Variants in SBF2 observed in about 807,000 individuals in gnomAD.
SBF2 encodes the protein myotubularin-related protein 13.
In SBF2, 112 loss-of-function variants were observed where a neutral mutation model predicts 225.2. That is an observed-to-expected ratio of 0.50 (90% CI 0.43 to 0.58). The LOEUF is 0.58. Among genes scored for constraint, SBF2 ranks in the 20% least tolerant of loss-of-function variants. The probability of loss-of-function intolerance (pLI) is 0.00; values close to 1 mark genes in which losing one functional copy is unlikely to be tolerated. For missense variants in SBF2, 1,996 were observed against 2,206.2 expected (o/e 0.90, Z 1.91); for synonymous variants, 763 against 773.3 (o/e 0.99, Z 0.22).
chr11:9,874,437 T>C (rs1859047366), intron 17 of SBF2, among the ~76,000 whole-genome samples: 1 of 152,208 alleles, frequency 6.6e-6, no homozygotes, highest in East Asian at 1.9e-4. Context: ...CTTAAAAGCA[T>C]TTCCTATAAA....
At chr11:10,243,828 G>A (rs913606015) in intron 1 of SBF2, among the ~76,000 whole-genome samples, 1 of 151,908 alleles carries the variant, frequency 6.6e-6, no homozygotes, top group Non-Finnish European at 1.5e-5. Context: ...ACAAAGAAAA[G>A]GTCAAGACCA....
At chr11:10,046,775 G>T (rs530567791) in intron 2 of SBF2, among the ~76,000 whole-genome samples, 1 of 149,074 alleles carries the variant, frequency 6.7e-6, no homozygotes, top group African/African-American at 2.5e-5. Context: ...CCTAGTTAAC[G>T]CAATAAAATG....
At chr11:10,029,272 T>G (rs1949164344) in intron 5 of SBF2, among the ~76,000 whole-genome samples, 1 of 152,172 alleles carries the variant, frequency 6.6e-6, no homozygotes, top group Non-Finnish European at 1.5e-5. Flanking sequence ...GAGACAAATA[T>G]GAAAATCTCA....
intron 1 of SBF2, among the ~76,000 whole-genome samples, chr11:10,275,494 T>C (rs898672086): frequency 1.3e-5 from 2 of 152,216 alleles, no homozygotes; most frequent in African/African-American, 2.4e-5. Context: ...TACTGAATAC[T>C]GTTTTACTAT....
chr11:9,806,522 T>C (rs1412179122), intron 32 of SBF2, among the ~76,000 whole-genome samples: 1 of 152,216 alleles, frequency 6.6e-6, no homozygotes, highest in East Asian at 1.9e-4. Flanking sequence ...GTCTCCAAAC[T>C]TCTCCCTCAT....
intron 17 of SBF2, among the ~76,000 whole-genome samples, chr11:9,881,703 C>T (rs2134084905): frequency 6.6e-6 from 1 of 152,134 alleles, no homozygotes; most frequent in East Asian, 1.9e-4. Context: ...CAGATTTTAG[C>T]TTTGGCCAAG....
At chr11:9,828,219 T>C (rs1332649111) in intron 28 of SBF2, 1 of 1,287,892 alleles carries the variant, frequency 7.8e-7, no homozygotes. Flanking sequence ...CTCCTTTCAG[T>C]CCCTAAAGTC....
intron 14 of SBF2, among the ~76,000 whole-genome samples, chr11:9,967,689 G>A: frequency 6.6e-6 from 1 of 152,138 alleles, no homozygotes; most frequent in South Asian, 2.1e-4. Context: ...GCCAAGGTGG[G>A]CGGATCACCT....
chr11:10,015,137 CAATAAT>C (rs924612030), intron 6 of SBF2, among the ~76,000 whole-genome samples: 3 of 151,662 alleles, frequency 2.0e-5, no homozygotes, highest in Admixed American at 6.6e-5. Context: ...CACCCTGTCT[CAATAAT>C]AATAATAATA....
chr11:9,943,021 G>GATTGT (rs1343578239), intron 16 of SBF2, among the ~76,000 whole-genome samples: 1 of 152,064 alleles, frequency 6.6e-6, no homozygotes, highest in East Asian at 1.9e-4. Flanking sequence ...GAGAAAGAAA[G>GATTGT]ATTGTGATGC....
chr11:9,963,681 A>G (rs531456703), intron 15 of SBF2, 92 bp downstream of exon 15: 3 of 695,656 alleles, frequency 4.3e-6, no homozygotes, highest in Admixed American at 4.5e-5. Flanking sequence ...GAAAAGGGAT[A>G]GAATTAAAGA....
At chr11:9,987,227 C>T (rs769835203) in intron 13 of SBF2, among the ~76,000 whole-genome samples, 1 of 152,104 alleles carries the variant, frequency 6.6e-6, no homozygotes. Context: ...TTTAGCATCC[C>T]TTTATGATTA....
intron 3 of SBF2, among the ~76,000 whole-genome samples, chr11:10,042,434 G>C (rs1299896988): frequency 6.6e-6 from 1 of 152,086 alleles, no homozygotes. Flanking sequence ...AGAAGAATGA[G>C]TTAACATTTG....
chr11:9,824,372 C>T (rs905252533), intron 28 of SBF2, among the ~76,000 whole-genome samples: 12 of 152,094 alleles, frequency 7.9e-5, no homozygotes, highest in Middle Eastern at 3.4e-3. Context: ...TCCTGGCCAA[C>T]GTGGTGAAAC....
intron 17 of SBF2, among the ~76,000 whole-genome samples, chr11:9,871,751 A>AAAGTGCTG: frequency 6.6e-6 from 1 of 152,190 alleles, no homozygotes; most frequent in Middle Eastern, 3.4e-3. Context: ...TCAGCCTCCC[A>AAAGTGCTG]AAGTGCTGGG....
intron 24 of SBF2, 100 bp from the exon 25 acceptor site, chr11:9,842,870 C>T (rs1466365891): frequency 1.7e-6 from 2 of 1,173,032 alleles, no homozygotes; most frequent in Non-Finnish European, 2.5e-6. Context: ...TCCTTTCCCA[C>T]AGCCACTACT....
intron 1 of SBF2, among the ~76,000 whole-genome samples, chr11:10,252,754 G>T (rs897452529): frequency 2.5e-5 from 1 of 40,050 alleles, no homozygotes; most frequent in African/African-American, 7.0e-5. Flanking sequence ...AGCTTGCAGC[G>T]AGCTTGCAGC....
intron 2 of SBF2, among the ~76,000 whole-genome samples, chr11:10,114,725 C>A (rs1435443307): frequency 6.6e-6 from 1 of 152,140 alleles, no homozygotes; most frequent in Non-Finnish European, 1.5e-5. Flanking sequence ...CATTATGATC[C>A]CATTGTCCTT....
upstream of SBF2, among the ~76,000 whole-genome samples, chr11:10,295,271 G>A (rs1226740019): frequency 6.6e-6 from 1 of 152,146 alleles, no homozygotes; most frequent in Non-Finnish European, 1.5e-5. Context: ...TATATAGTAG[G>A]TGCCTACAAA....
Sources: allele counts gnomAD v4.1 joint callset (sites outside exome capture counted in the v4.1 genomes callset), GRCh38; gene constraint gnomAD v4.1.1; transcripts MANE v1.5; gene names NCBI Gene and HGNC (gene_info 2026-07-23, HGNC 2026-07-21).